The following ANKH variants were observed in gnomAD, a reference collection of about 807,000 sequenced individuals.
ANKH encodes ANKH inorganic pyrophosphate transport regulator.
Under a neutral mutation model 49.0 loss-of-function variants are expected in ANKH, and 15 were observed. The observed-to-expected ratio is 0.31, with a 90% confidence interval of 0.20 to 0.47. The LOEUF is 0.47. ANKH is among the 20% of genes least tolerant of loss of function. The probability of loss-of-function intolerance (pLI) is 1.00; values close to 1 mark genes in which losing one functional copy is unlikely to be tolerated. For synonymous variants in ANKH, 273 were observed against 260.0 expected (o/e 1.05, Z -0.48); for missense variants, 429 against 652.0 (o/e 0.66, Z 3.72).
intron 4 of ANKH, among the ~76,000 whole-genome samples, chr5:14,754,332 A>AG (rs1738810788): frequency 3.0e-5 from 4 of 133,370 alleles, no homozygotes; most frequent in Admixed American, 2.3e-4. Flanking sequence ...CAAAGTTAAG[A>AG]GTTTTTTTTT....
At chr5:14,804,321 G>T (rs951611967) in intron 1 of ANKH, among the ~76,000 whole-genome samples, 1 of 152,178 alleles carries the variant, frequency 6.6e-6, no homozygotes, top group Non-Finnish European at 1.5e-5. Context: ...CTGCGCCTCC[G>T]TCTTCGGAGC....
chr5:14,847,867 G>A (rs989464034), intron 1 of ANKH, among the ~76,000 whole-genome samples: 7 of 152,220 alleles, frequency 4.6e-5, no homozygotes, highest in Non-Finnish European at 1.0e-4. Flanking sequence ...TCTGGGCCAG[G>A]TGCAGTGGCT....
At chr5:14,754,858 C>T (rs537395819) in intron 4 of ANKH, among the ~76,000 whole-genome samples, 5 of 152,080 alleles carry the variant, frequency 3.3e-5, no homozygotes, top group Non-Finnish European at 5.9e-5. Context: ...GGCAGATCAC[C>T]TGAGGTCAGG....
chr5:14,747,771 AG>A (rs1738584980), intron 6 of ANKH, among the ~76,000 whole-genome samples: 1 of 152,194 alleles, frequency 6.6e-6, no homozygotes, highest in African/African-American at 2.4e-5. Context: ...AGCAATGTGA[AG>A]AAAGTGTGGT....
At chr5:14,812,080 C>A (rs1019577219) in intron 1 of ANKH, among the ~76,000 whole-genome samples, 1 of 141,402 alleles carries the variant, frequency 7.1e-6, no homozygotes, top group Non-Finnish European at 1.5e-5. Flanking sequence ...TACTTTCAAT[C>A]ACTGGATCCT....
intron 1 of ANKH, among the ~76,000 whole-genome samples, chr5:14,848,427 C>T (rs575746164): frequency 1.3e-5 from 2 of 152,282 alleles, no homozygotes; most frequent in African/African-American, 2.4e-5. Context: ...GGTCCCCTCC[C>T]GTTGTATGGG....
intron 1 of ANKH, among the ~76,000 whole-genome samples, chr5:14,856,846 C>T (rs1735279076): frequency 6.6e-6 from 1 of 152,168 alleles, no homozygotes; most frequent in African/African-American, 2.4e-5. Context: ...AGAAGCTATT[C>T]ACCTATTCAT....
At chr5:14,836,955 A>T (rs1741673426) in intron 1 of ANKH, among the ~76,000 whole-genome samples, 1 of 152,252 alleles carries the variant, frequency 6.6e-6, no homozygotes, top group Non-Finnish European at 1.5e-5. Context: ...AGCCCTCAGA[A>T]ATAATACCAC....
intron 1 of ANKH, among the ~76,000 whole-genome samples, chr5:14,837,571 G>A (rs1048099903): frequency 6.6e-6 from 1 of 152,162 alleles, no homozygotes; most frequent in African/African-American, 2.4e-5. Flanking sequence ...AAACCACAAT[G>A]AGATACCATC....
At chr5:14,793,592 G>C (rs1410409312) in intron 1 of ANKH, among the ~76,000 whole-genome samples, 3 of 152,188 alleles carry the variant, frequency 2.0e-5, no homozygotes, top group Non-Finnish European at 4.4e-5. Flanking sequence ...AACAGGCAAA[G>C]GACAAGCAGC....
intron 1 of ANKH, among the ~76,000 whole-genome samples, chr5:14,781,835 A>G (rs1194027115): frequency 6.6e-6 from 1 of 152,184 alleles, no homozygotes; most frequent in Non-Finnish European, 1.5e-5. Flanking sequence ...AATTTTTTAT[A>G]CTTACAAAGA....
At chr5:14,780,819 T>C (rs2126529504) in intron 1 of ANKH, among the ~76,000 whole-genome samples, 1 of 152,348 alleles carries the variant, frequency 6.6e-6, no homozygotes, top group East Asian at 1.9e-4. Context: ...CTAATCCTTT[T>C]GATAAAAGAC....
intron 1 of ANKH, among the ~76,000 whole-genome samples, chr5:14,821,479 C>T (rs932323180): frequency 6.6e-6 from 1 of 152,200 alleles, no homozygotes; most frequent in Non-Finnish European, 1.5e-5. Context: ...CAGACAAAGA[C>T]TCTGTGACAT....
intron 8 of ANKH, among the ~76,000 whole-genome samples, chr5:14,738,872 G>T (rs927558876): frequency 1.3e-5 from 2 of 152,232 alleles, no homozygotes; most frequent in African/African-American, 4.8e-5. Context: ...AAGGGTGAAT[G>T]CTGTCGGTAC....
In ANKH at chr5:14,705,910, GTAATGTTCCCC is replaced by G. The variant is rs375367220; in HGVS notation, c.*5276_*5286del. On this transcript the variant is annotated 3_prime_UTR_variant, in exon 12 of 12. Coordinates refer to ENST00000284268, the MANE Select transcript of ANKH (RefSeq NM_054027.6). Reference sequence around the variant, plus strand: ...TCAGGGAACCAGCATCTACCCGGTTGTAATGTTCCCCTAATGTTCCCCAACTCCAGAGGCGC... The same window carrying G: ...TCAGGGAACCAGCATCTACCCGGTTGTAATGTTCCCCAACTCCAGAGGCGC... The G allele has an allele frequency of 2.3e-4, 35 of 151,712 alleles. No individual in the cohort carries two copies. The highest frequency in any genetic ancestry group is 8.0e-4 in the African/African-American group (33 of 41,502). The allele number at this position is 151,712 out of a possible 1,614,324, so 9.4% of individuals were successfully genotyped here. A position where few individuals can be genotyped will look rare whatever the true frequency, so the allele number is the denominator to read the frequency against.
chr5:14,838,822 T>C (rs1428291829), intron 1 of ANKH, among the ~76,000 whole-genome samples: 1 of 152,164 alleles, frequency 6.6e-6, no homozygotes, highest in Non-Finnish European at 1.5e-5. Flanking sequence ...TTTCTGCCAG[T>C]GTATACAAAC....
intron 1 of ANKH, among the ~76,000 whole-genome samples, chr5:14,778,810 G>A (rs1432569559): frequency 6.6e-6 from 1 of 151,988 alleles, no homozygotes; most frequent in Non-Finnish European, 1.5e-5. Context: ...ACCCTTAACG[G>A]TATTTGTAGA....
At chr5:14,714,055 G>A (rs550469248) in intron 9 of ANKH, among the ~76,000 whole-genome samples, 1 of 152,258 alleles carries the variant, frequency 6.6e-6, no homozygotes, top group African/African-American at 2.4e-5. Flanking sequence ...GTGATGCTGC[G>A]TGAGCAGAAA....
intron 1 of ANKH, among the ~76,000 whole-genome samples, chr5:14,836,173 C>A (rs1580106222): frequency 6.6e-6 from 1 of 152,110 alleles, no homozygotes. Flanking sequence ...ACTGAATGGG[C>A]AAAAACTGGA....
Sources: allele counts gnomAD v4.1 joint callset (sites outside exome capture counted in the v4.1 genomes callset), GRCh38; gene constraint gnomAD v4.1.1; transcripts MANE v1.5; gene names NCBI Gene and HGNC (gene_info 2026-07-23, HGNC 2026-07-21).